The following INVS variants were observed in gnomAD, a reference collection of about 807,000 sequenced individuals.
The protein encoded by INVS is inversion of embryo turning homolog.
INVS carries 86 observed loss-of-function variants against 108.8 expected under a neutral mutation model. That is an observed-to-expected ratio of 0.79 (90% CI 0.66 to 0.95). The LOEUF is 0.95. INVS is among the 40% of genes least tolerant of loss of function. The probability of loss-of-function intolerance (pLI) is 0.00; values close to 1 mark genes in which losing one functional copy is unlikely to be tolerated. For missense variants in INVS, 1,169 were observed against 1,297.4 expected (o/e 0.90, Z 1.52); for synonymous variants, 455 against 473.5 (o/e 0.96, Z 0.51).
chr9:100,218,375 G>A (rs1831052521), intron 3 of INVS, among the ~76,000 whole-genome samples: 1 of 152,174 alleles, frequency 6.6e-6, no homozygotes, highest in African/African-American at 2.4e-5. Flanking sequence ...CTCCAGTGGG[G>A]AGAAGGGCCA....
At chr9:100,140,135 G>A (rs1167661919) in intron 3 of INVS, among the ~76,000 whole-genome samples, 5 of 152,138 alleles carry the variant, frequency 3.3e-5, no homozygotes, top group Non-Finnish European at 7.3e-5. Context: ...TGTTTCTATG[G>A]ATTTATAGAT....
intron 2 of INVS, among the ~76,000 whole-genome samples, chr9:100,104,852 C>T (rs1827121293): frequency 6.6e-6 from 1 of 152,120 alleles, no homozygotes; most frequent in African/African-American, 2.4e-5. Flanking sequence ...ATGTATTTAG[C>T]ACTAAGTCTA....
At position 100,252,216 on chromosome 9, in the gene INVS, CAT is replaced by C. The variant is rs1832258369; in HGVS notation, c.1079-63_1079-62del. 5 of 1,437,456 alleles carry C rather than the reference CAT, an allele frequency of 3.5e-6. No homozygotes were observed. In the Admixed American group the frequency reaches 6.7e-5, roughly 19 times the overall value. The allele number at this position is 1,437,456 out of a possible 1,614,324, so 89.0% of individuals were successfully genotyped here. On this transcript the variant is annotated intron_variant, in intron 8 of 16. Transcript: ENST00000262457. ...ATGGGGAAATCAAGAGAGGAAAAGA[CAT>C]ATAATAATTTAAAAGGTGAAGTTGT...
chr9:100,100,641 T>TATGTATATATA (rs1826823013), intron 1 of INVS, among the ~76,000 whole-genome samples: 1 of 60,856 alleles, frequency 1.6e-5, no homozygotes, highest in African/African-American at 1.0e-4. Context: ...ATATATATTA[T>TATGTATATATA]ATATGTATAT....
intron 3 of INVS, among the ~76,000 whole-genome samples, chr9:100,198,411 C>G (rs544740346): frequency 4.0e-5 from 6 of 149,918 alleles, no homozygotes; most frequent in African/African-American, 1.5e-4. Flanking sequence ...GATTCTCCTG[C>G]CTCCAAAGTA....
At chr9:100,184,817 A>G (rs533062230) in intron 3 of INVS, among the ~76,000 whole-genome samples, 1 of 152,294 alleles carries the variant, frequency 6.6e-6, no homozygotes, top group Admixed American at 6.5e-5. Context: ...TGGAAGGGAG[A>G]TGCCATAATT....
intron 12 of INVS, among the ~76,000 whole-genome samples, chr9:100,273,827 C>T (rs140969396): frequency 1.1e-3 from 172 of 151,926 alleles, no homozygotes; most frequent in Non-Finnish European, 1.9e-3. Context: ...CATAAGCCAC[C>T]GCACCCAGCT....
chr9:100,124,210 G>GTGTA (rs1827813685), intron 2 of INVS, among the ~76,000 whole-genome samples: 1 of 150,916 alleles, frequency 6.6e-6, no homozygotes, highest in African/African-American at 2.5e-5. Flanking sequence ...GTGTGTGTGT[G>GTGTA]TGTGTATGAT....
intron 10 of INVS, among the ~76,000 whole-genome samples, chr9:100,256,896 G>A (rs962752675): frequency 6.6e-6 from 1 of 152,182 alleles, no homozygotes; most frequent in African/African-American, 2.4e-5. Flanking sequence ...TTGATTTGGG[G>A]TGGAGAGTTC....
At chr9:100,119,823 G>T (rs1389558685) in intron 2 of INVS, among the ~76,000 whole-genome samples, 1 of 152,182 alleles carries the variant, frequency 6.6e-6, no homozygotes, top group Non-Finnish European at 1.5e-5. Flanking sequence ...CTCCCAAAGT[G>T]TTGGGATTAC....
intron 3 of INVS, among the ~76,000 whole-genome samples, chr9:100,173,481 A>G (rs1291698044): frequency 1.3e-5 from 2 of 152,202 alleles, no homozygotes; most frequent in Non-Finnish European, 2.9e-5. Context: ...TAATCCCAGC[A>G]CTTTGGGAGG....
intron 2 of INVS, among the ~76,000 whole-genome samples, chr9:100,121,844 A>G (rs1216598650): frequency 6.6e-6 from 1 of 152,142 alleles, no homozygotes; most frequent in Non-Finnish European, 1.5e-5. Context: ...TCATTACTAT[A>G]TATTTCCTTC....
At chr9:100,246,483 T>A in intron 7 of INVS, 133 bp from the exon 8 acceptor site, 1 of 659,764 alleles carries the variant, frequency 1.5e-6, no homozygotes, top group Non-Finnish European at 2.6e-6. Context: ...AATAAAAAGA[T>A]AATTTAATTT....
In INVS at chr9:100,104,554, T is replaced by C. The variant is rs1554713054; in HGVS notation, c.33T>C (p.Gly11=). The C allele has an allele frequency of 1.9e-6, 3 of 1,614,030 alleles. No individual in the cohort carries two copies. The African/African-American group carries it at 4.0e-5, about 22-fold the overall frequency. Residue 11 remains glycine (G), a synonymous_variant, in exon 2 of 17, where the codon GGT becomes GGC. Coordinates refer to ENST00000262457, the MANE Select transcript of INVS (RefSeq NM_014425.5). The part of the protein sequence containing the change: MNKSENLLFA[G]SSLASQVHAA... The stretch of plus-strand genomic sequence containing the variant: ...AGTCAGAGAACCTGCTGTTTGCTGG[T>C]TCATCATTAGCATCACAAGTCCATG...
At chr9:100,207,642 G>A (rs1029233984) in intron 3 of INVS, among the ~76,000 whole-genome samples, 2 of 152,036 alleles carry the variant, frequency 1.3e-5, no homozygotes, top group African/African-American at 4.8e-5. Context: ...ACAGTTAGAT[G>A]TATACTTAGA....
At chr9:100,216,518 G>C (rs1199898446) in intron 3 of INVS, among the ~76,000 whole-genome samples, 1 of 152,214 alleles carries the variant, frequency 6.6e-6, no homozygotes, top group Non-Finnish European at 1.5e-5. Flanking sequence ...TGTCAAATAA[G>C]TCAGGCTAAA....
At chr9:100,148,264 G>A (rs1410365297) in intron 3 of INVS, among the ~76,000 whole-genome samples, 3 of 152,160 alleles carry the variant, frequency 2.0e-5, no homozygotes, top group Non-Finnish European at 4.4e-5. Flanking sequence ...TTTATCCAGA[G>A]TGAGGGTAGA....
intron 3 of INVS, among the ~76,000 whole-genome samples, chr9:100,140,661 T>G (rs1290309884): frequency 6.6e-6 from 1 of 152,044 alleles, no homozygotes; most frequent in Non-Finnish European, 1.5e-5. Context: ...GCGAAAATTT[T>G]GGGGGATGGT....
intron 2 of INVS, among the ~76,000 whole-genome samples, chr9:100,118,588 G>A (rs1163445542): frequency 6.6e-6 from 1 of 152,040 alleles, no homozygotes; most frequent in Non-Finnish European, 1.5e-5. Context: ...ACAAAATATA[G>A]GTTGAAAGCT....
Sources: allele counts gnomAD v4.1 joint callset (sites outside exome capture counted in the v4.1 genomes callset), GRCh38; gene constraint gnomAD v4.1.1; transcripts MANE v1.5; gene names NCBI Gene and HGNC (gene_info 2026-07-23, HGNC 2026-07-21).